SH3GLB1: variants seen among roughly 807,000 people sequenced by gnomAD.
SH3GLB1 encodes SH3 domain containing GRB2 like, endophilin B1, also known as endophilin-B1.
Under a neutral mutation model 42.0 loss-of-function variants are expected in SH3GLB1, and 17 were observed. The ratio of observed to expected loss-of-function variants is 0.40; its 90% confidence interval spans 0.28 to 0.61. The LOEUF is 0.61. SH3GLB1 is among the 20% of genes least tolerant of loss of function. The pLI is 0.36. For synonymous variants in SH3GLB1, 132 were observed against 146.6 expected, an observed-to-expected ratio of 0.90 and a Z score of 0.72; for missense variants, 355 against 426.3, an observed-to-expected ratio of 0.83 and a Z score of 1.47.
intron 2 of SH3GLB1, among the ~76,000 whole-genome samples, chr1:86,717,571 A>T (rs936404105): frequency 2.6e-5 from 4 of 151,914 alleles, no homozygotes; most frequent in Admixed American, 6.6e-5. Context: ...ACAGGTGTCC[A>T]CCACCATACC....
chr1:86,722,542 A>G lies in SH3GLB1; in HGVS notation c.346A>G (p.Asn116Asp). The G allele has an allele frequency of 6.3e-7, 1 of 1,586,232 alleles. No homozygotes were observed. Among genetic ancestry groups the G allele is most frequent in the Non-Finnish European group, 8.5e-7 (1 of 1,170,100 alleles). Residue 116 changes from asparagine to aspartate, a missense_variant and splice_region_variant, in exon 4 of 9, where the codon AAT (asparagine) becomes GAT (aspartate). Coordinates refer to ENST00000370558, the MANE Select transcript of SH3GLB1 (RefSeq NM_016009.5). ...TEFGPGTAYG[N>D]ALIKCGETQK... ...TTAAAAACATTTTTCCTTTGCAGGT[A>G]ATGCCCTTATTAAATGTGGAGAAAC... is the stretch of plus-strand genomic sequence containing the variant.
chr1:86,725,587 T>C (rs544746188), intron 5 of SH3GLB1, among the ~76,000 whole-genome samples: 14 of 152,278 alleles, frequency 9.2e-5, no homozygotes, highest in African/African-American at 3.4e-4. Context: ...TGAGCTATGG[T>C]ATGATAGTAC....
chr1:86,729,696 A>T (rs1655401509), intron 5 of SH3GLB1, among the ~76,000 whole-genome samples: 1 of 152,120 alleles, frequency 6.6e-6, no homozygotes, highest in Admixed American at 6.5e-5. Context: ...CTCCAAAAAG[A>T]CTGTTTCAGC....
intron 3 of SH3GLB1, among the ~76,000 whole-genome samples, chr1:86,721,584 G>A (rs1470636002): frequency 2.0e-5 from 3 of 152,130 alleles, no homozygotes; most frequent in Non-Finnish European, 4.4e-5. Context: ...ACTCTACTTT[G>A]TACTGTACTT....
chr1:86,719,713 A>G, intron 3 of SH3GLB1, 78 bp downstream of exon 3: 1 of 1,474,884 alleles, frequency 6.8e-7, no homozygotes, highest in Non-Finnish European at 9.2e-7. Flanking sequence ...ACATATTAGT[A>G]GGCCGGGTGC....
intron 7 of SH3GLB1, among the ~76,000 whole-genome samples, chr1:86,741,250 C>T (rs1437151448): frequency 6.6e-6 from 1 of 152,072 alleles, no homozygotes; most frequent in African/African-American, 2.4e-5. Flanking sequence ...AAATGATTTC[C>T]AGATGGTATA....
chr1:86,715,499 C>T (rs999501512), intron 1 of SH3GLB1, among the ~76,000 whole-genome samples: 29 of 152,046 alleles, frequency 1.9e-4, no homozygotes, highest in African/African-American at 6.5e-4. Context: ...TTTAGCAGAA[C>T]TAAGGGTATG....
chr1:86,707,392 G>A (rs1653931080), intron 1 of SH3GLB1, among the ~76,000 whole-genome samples: 1 of 152,176 alleles, frequency 6.6e-6, no homozygotes, highest in Non-Finnish European at 1.5e-5. Flanking sequence ...ACACGTAAAA[G>A]GCGATTGTAA....
intron 4 of SH3GLB1, 151 bp downstream of exon 4, chr1:86,722,824 T>A (rs894738117): frequency 5.5e-5 from 31 of 568,082 alleles, no homozygotes; most frequent in Non-Finnish European, 8.6e-5. Flanking sequence ...AACACAAAAT[T>A]AAACCAAAAT....
chr1:86,736,217 G>C (rs1176683609), intron 7 of SH3GLB1, among the ~76,000 whole-genome samples: 1 of 151,976 alleles, frequency 6.6e-6, no homozygotes, highest in African/African-American at 2.4e-5. Context: ...TAAGGAGTTT[G>C]GAATTTATAT....
chr1:86,726,385 G>T (rs1655195360), intron 5 of SH3GLB1, among the ~76,000 whole-genome samples: 1 of 151,982 alleles, frequency 6.6e-6, no homozygotes, highest in African/African-American at 2.4e-5. Flanking sequence ...AAAATATATA[G>T]AACCTAAATA....
At chr1:86,734,747 C>A in intron 6 of SH3GLB1, 56 bp downstream of exon 6, 1 of 1,344,818 alleles carries the variant, frequency 7.4e-7, no homozygotes, top group Non-Finnish European at 1.0e-6. Flanking sequence ...AGTCCTAAGG[C>A]AATTTTGGGA....
intron 5 of SH3GLB1, 26 bp downstream of exon 5, chr1:86,724,431 A>G (rs74097421): frequency 0.016 from 23,151 of 1,477,324 alleles, 244 homozygotes; most frequent in African/African-American, 0.031. Context: ...AATATTTTTG[A>G]TTAATAACTT....
intron 1 of SH3GLB1, 124 bp from the exon 2 acceptor site, chr1:86,715,600 A>G: frequency 3.0e-6 from 3 of 1,005,720 alleles, no homozygotes; most frequent in Non-Finnish European, 4.2e-6. Context: ...TGGCTTACAA[A>G]GCTGGAGCAT....
intron 1 of SH3GLB1, among the ~76,000 whole-genome samples, chr1:86,708,904 G>A (rs1184748126): frequency 1.3e-5 from 2 of 151,902 alleles, no homozygotes; most frequent in Non-Finnish European, 2.9e-5. Context: ...TTGTTCATAT[G>A]GTTAGACTCC....
intron 5 of SH3GLB1, among the ~76,000 whole-genome samples, chr1:86,724,892 A>AAAAAAATATATATATATAT (rs1291454820): frequency 1.0e-5 from 1 of 99,700 alleles, no homozygotes; most frequent in Admixed American, 1.1e-4. Context: ...AAAAAAAAAA[A>AAAAAAATATATATATATAT]ATATATATAT....
intron 1 of SH3GLB1, among the ~76,000 whole-genome samples, chr1:86,709,444 G>T (rs1041987349): frequency 1.3e-5 from 2 of 152,176 alleles, no homozygotes; most frequent in African/African-American, 2.4e-5. Context: ...GGTGCTTGGC[G>T]TTGAAAGATA....
At chr1:86,722,057 G>A (rs1654893282) in intron 3 of SH3GLB1, among the ~76,000 whole-genome samples, 1 of 126,724 alleles carries the variant, frequency 7.9e-6, no homozygotes, top group Non-Finnish European at 1.6e-5. Flanking sequence ...CTGCTGTGTT[G>A]CCCAGGCTGG....
rs187367375 is a variant in SH3GLB1, at chr1:86,730,318, G to A, written c.571-4284G>A. 58 of 985,286 alleles carry A rather than the reference G, an allele frequency of 5.9e-5. No individual in the cohort carries two copies. In the Admixed American group the frequency reaches 6.8e-4, roughly 11 times the overall value. 61.0% of individuals were successfully genotyped at this position (985,286 alleles called of 1,614,324 possible). A position where few individuals can be genotyped will look rare whatever the true frequency, so the allele number is the denominator to read the frequency against. On this transcript the variant is annotated intron_variant, in intron 5 of 8. Coordinates refer to ENST00000370558, the MANE Select transcript of SH3GLB1 (RefSeq NM_016009.5). ...GAACAATGCTGCAGAGATGTGGTTTGCACACACACTGATAAATCTTGGATA... is the reference window on the plus strand; with the variant it reads ...GAACAATGCTGCAGAGATGTGGTTTACACACACACTGATAAATCTTGGATA...
Sources: gnomAD v4.1 joint callset for allele counts (sites outside exome capture counted in the v4.1 genomes callset) on GRCh38, gnomAD v4.1.1 for gene constraint, MANE v1.5 for transcripts, NCBI Gene and HGNC (gene_info 2026-07-23, HGNC 2026-07-21) for gene names.